The following PHTF2 variants were observed in gnomAD, a reference collection of about 807,000 sequenced individuals.
PHTF2 encodes the protein protein PHTF2.
In PHTF2, 60 loss-of-function variants were observed where a neutral mutation model predicts 101.2. The observed-to-expected ratio is 0.59, with a 90% CI of 0.48 to 0.73. The LOEUF is 0.73. Among genes scored for constraint, PHTF2 ranks in the 30% least tolerant of loss-of-function variants. PHTF2 has a pLI of 0.00. For missense variants in PHTF2, 747 were observed against 908.7 expected (o/e 0.82, Z 2.29); for synonymous variants, 311 against 307.3 (o/e 1.01, Z -0.13).
intron 9 of PHTF2, among the ~76,000 whole-genome samples, chr7:77,916,654 C>A (rs374469684): frequency 3.3e-5 from 5 of 152,256 alleles, no homozygotes; most frequent in African/African-American, 4.8e-5. Flanking sequence ...ACCACCCCCC[C>A]ACCCAGGATA....
At chr7:77,937,783 A>G in exon 13 of PHTF2, 1 of 1,545,068 alleles carries the variant, frequency 6.5e-7, no homozygotes, top group Non-Finnish European at 8.8e-7. Context: ...GAAGGTAATG[A>G]TTGTAAGAAA....
At chr7:77,931,248 C>G (rs1283756783) in intron 12 of PHTF2, among the ~76,000 whole-genome samples, 1 of 151,994 alleles carries the variant, frequency 6.6e-6, no homozygotes, top group African/African-American at 2.4e-5. Flanking sequence ...AAAGCACAAA[C>G]AAAAATGGAG....
chr7:77,834,725 A>G (rs879566846), intron 1 of PHTF2, among the ~76,000 whole-genome samples: 17 of 152,236 alleles, frequency 1.1e-4, no homozygotes, highest in Admixed American at 8.5e-4. Flanking sequence ...TTAGTATCAG[A>G]ACTTGGATCT....
chr7:77,886,293 A>G (rs1017943699), intron 3 of PHTF2, among the ~76,000 whole-genome samples: 1 of 152,176 alleles, frequency 6.6e-6, no homozygotes. Context: ...CCTAAGTGAT[A>G]CGTTTCTCAT....
chr7:77,925,679 G>A (rs1002290386), intron 11 of PHTF2, among the ~76,000 whole-genome samples: 9 of 151,584 alleles, frequency 5.9e-5, no homozygotes, highest in African/African-American at 2.2e-4. Flanking sequence ...TGGCTAGGCT[G>A]GTCTTGATGC....
At chr7:77,818,433 G>A (rs1241686463) in intron 1 of PHTF2, among the ~76,000 whole-genome samples, 2 of 152,130 alleles carry the variant, frequency 1.3e-5, no homozygotes, top group Non-Finnish European at 2.9e-5. Context: ...GTTGATTTTT[G>A]TATAGGATGA....
At chr7:77,920,953 A>G (rs563905150) in intron 10 of PHTF2, among the ~76,000 whole-genome samples, 1 of 152,248 alleles carries the variant, frequency 6.6e-6, no homozygotes, top group South Asian at 2.1e-4. Context: ...CTAAAGTTCT[A>G]GGATTACAGG....
chr7:77,941,963 G>T (rs575392514), intron 15 of PHTF2, among the ~76,000 whole-genome samples: 38 of 152,226 alleles, frequency 2.5e-4, no homozygotes, highest in African/African-American at 8.2e-4. Context: ...TTATTCACCT[G>T]TCTTTTGTTT....
At chr7:77,856,667 C>G (rs10281374) in intron 3 of PHTF2, among the ~76,000 whole-genome samples, 1 of 152,050 alleles carries the variant, frequency 6.6e-6, no homozygotes. Context: ...TTTGTTTGTA[C>G]TGAGCATGTG....
intron 1 of PHTF2, among the ~76,000 whole-genome samples, chr7:77,815,487 T>C (rs1349326295): frequency 6.6e-6 from 1 of 152,270 alleles, no homozygotes; most frequent in Non-Finnish European, 1.5e-5. Flanking sequence ...GTAGTTTTTA[T>C]CAAAGTTCTG....
chr7:77,922,738 A>C, exon 11 of PHTF2: 1 of 1,606,890 alleles, frequency 6.2e-7, no homozygotes, highest in Non-Finnish European at 8.5e-7. Context: ...GTTCTTCGGA[A>C]TAGAAAGTCA....
At chr7:77,914,820 T>C (rs1304181379) in intron 9 of PHTF2, among the ~76,000 whole-genome samples, 1 of 152,200 alleles carries the variant, frequency 6.6e-6, no homozygotes, top group Non-Finnish European at 1.5e-5. Flanking sequence ...TGGTTTGTGC[T>C]AGAGTTATAT....
chr7:77,801,178 G>C (rs1245941898), intron 1 of PHTF2, among the ~76,000 whole-genome samples: 1 of 152,174 alleles, frequency 6.6e-6, no homozygotes, highest in Middle Eastern at 3.2e-3. Context: ...AACAAATGAC[G>C]ATAATACAAT....
chr7:77,952,680 G>A (rs1562980685), intron 18 of PHTF2, among the ~76,000 whole-genome samples: 1 of 152,174 alleles, frequency 6.6e-6, no homozygotes. Context: ...GTAGGAAGGG[G>A]CTACAAAGGT....
intron 13 of PHTF2, among the ~76,000 whole-genome samples, chr7:77,939,603 A>G (rs1376930133): frequency 1.3e-5 from 2 of 151,812 alleles, no homozygotes; most frequent in African/African-American, 4.8e-5. Context: ...AAAAAAAAAA[A>G]AAAAAGAAAA....
chr7:77,939,085 A>C (rs1345865264), intron 13 of PHTF2, among the ~76,000 whole-genome samples: 1 of 152,164 alleles, frequency 6.6e-6, no homozygotes, highest in African/African-American at 2.4e-5. Flanking sequence ...CATTTATCTA[A>C]TATATATTAT....
At chr7:77,934,458 A>C (rs946581598) in intron 12 of PHTF2, among the ~76,000 whole-genome samples, 1 of 152,216 alleles carries the variant, frequency 6.6e-6, no homozygotes, top group South Asian at 2.1e-4. Flanking sequence ...TGTGGTTGGC[A>C]TGGTGAATTT....
intron 12 of PHTF2, among the ~76,000 whole-genome samples, chr7:77,936,961 A>G (rs1478885435): frequency 6.6e-6 from 1 of 152,012 alleles, no homozygotes; most frequent in African/African-American, 2.4e-5. Flanking sequence ...CCTGGCCAAC[A>G]TGGTGAAACC....
At chr7:77,889,657 C>G (rs1410562313) in intron 3 of PHTF2, among the ~76,000 whole-genome samples, 1 of 123,174 alleles carries the variant, frequency 8.1e-6, no homozygotes, top group Non-Finnish European at 1.6e-5. Flanking sequence ...GTGGTGTGAT[C>G]TCGGCTCACT....
Sources: gnomAD v4.1 joint callset for allele counts (sites outside exome capture counted in the v4.1 genomes callset) on GRCh38, gnomAD v4.1.1 for gene constraint, MANE v1.5 for transcripts, NCBI Gene and HGNC (gene_info 2026-07-23, HGNC 2026-07-21) for gene names.